Variants in OSBPL3 observed in about 807,000 individuals in gnomAD.
The protein encoded by OSBPL3 is oxysterol binding protein like 3.
Under a neutral mutation model 120.1 loss-of-function variants are expected in OSBPL3, and 65 were observed. That is an observed-to-expected ratio of 0.54 (90% CI 0.44 to 0.67). OSBPL3 has a LOEUF of 0.67. OSBPL3 is among the 30% of genes least tolerant of loss of function. The pLI is 0.00. For synonymous variants in OSBPL3, 416 were observed against 402.6 expected, an observed-to-expected ratio of 1.03 and a Z score of -0.40; for missense variants, 1,004 against 1,082.1, an observed-to-expected ratio of 0.93 and a Z score of 1.01.
chr7:24,968,787 T>C lies in OSBPL3; in HGVS notation c.-150+11099A>G, dbSNP rs764153193. ...TTTCATATAAAATATATATTATATA[T>C]GGATATTCTATACTTCACTTTTTTC... On this transcript the variant is annotated intron_variant, in intron 1 of 22. Transcript: ENST00000313367. The surrounding 1 kb of genome is among the most constrained non-coding windows in gnomAD (Gnocchi z 4.6). Among the ~76,000 whole-genome samples the C allele has an allele frequency of 2.0e-5, 3 of 152,344 alleles. No individual in the cohort carries two copies. The highest frequency in any genetic ancestry group is 6.8e-3 in the Middle Eastern group (2 of 294).
intron 1 of OSBPL3, among the ~76,000 whole-genome samples, chr7:24,921,834 G>A (rs891328063): frequency 1.3e-5 from 2 of 152,212 alleles, no homozygotes; most frequent in South Asian, 4.2e-4. Context: ...TCACATTATG[G>A]GATTTTAAAG....
chr7:24,918,040 CT>C lies in OSBPL3; in HGVS notation c.-149-25420del. 1 of 980,666 alleles carries C rather than the reference CT, an allele frequency of 1.0e-6. No individual in the cohort carries two copies. Among genetic ancestry groups the C allele is most frequent in the South Asian group, 4.7e-5 (1 of 21,178 alleles). 60.7% of individuals were successfully genotyped at this position (980,666 alleles called of 1,614,324 possible). A position where few individuals can be genotyped will look rare whatever the true frequency, so the allele number is the denominator to read the frequency against. On this transcript the variant is annotated intron_variant, in intron 1 of 22. Coordinates refer to ENST00000313367, the MANE Select transcript of OSBPL3 (RefSeq NM_015550.4). This position sits in a 1 kb window ranked among gnomAD's most constrained non-coding sequence, Gnocchi z 4.3. ...CTATGAGTCCATAAAATGACTAGCA[CT>C]CTTACCTATAAAGGTTGGCTTATCC...
At chr7:24,963,947 T>TA (rs901263589) in intron 1 of OSBPL3, among the ~76,000 whole-genome samples, 13 of 150,892 alleles carry the variant, frequency 8.6e-5, no homozygotes, top group Admixed American at 2.0e-4. Context: ...AAGGACATGC[T>TA]AAAAAAAAAT....
chr7:24,911,932 A>G (rs1808882445), intron 1 of OSBPL3, among the ~76,000 whole-genome samples: 1 of 152,222 alleles, frequency 6.6e-6, no homozygotes, highest in Non-Finnish European at 1.5e-5. Context: ...AAAAGGCAAG[A>G]AAAACCTAAA....
Position 24,866,121 on chromosome 7 carries a change from G to A in OSBPL3, c.498C>T (p.Ser166=). ...CCCCAGATGAAGAGTCTGTGATGGT[G>A]GACCCTGAGAAAAAGTGGTTAACTT... is the stretch of plus-strand genomic sequence containing the variant. The part of the protein sequence containing the change: ...PHEVNHFFSG[S]TITDSSSGVF... The change falls in exon 6 of 23, where the codon TCC becomes TCT. Residue 166 remains serine, a synonymous_variant. Coordinates refer to ENST00000313367, the MANE Select transcript of OSBPL3 (RefSeq NM_015550.4). 1.2e-6 allele frequency: 2 copies of A among 1,613,352 alleles called. No individual in the cohort carries two copies. The highest frequency in any genetic ancestry group is 1.7e-6 in the Non-Finnish European group (2 of 1,179,328).
chr7:24,814,890 T>C (rs907392517), intron 19 of OSBPL3, among the ~76,000 whole-genome samples, 169 bp downstream of exon 19: 2 of 152,218 alleles, frequency 1.3e-5, no homozygotes, highest in East Asian at 1.9e-4. Context: ...GGAGGGGCCA[T>C]TGCCCTGGTC....
intron 1 of OSBPL3, among the ~76,000 whole-genome samples, chr7:24,970,712 G>A (rs946735892): frequency 8.5e-5 from 13 of 152,176 alleles, no homozygotes; most frequent in Non-Finnish European, 1.6e-4. Context: ...CTTCTAGGTA[G>A]CACCTTGTAC....
chr7:24,927,995 T>C (rs1051824332), intron 1 of OSBPL3, among the ~76,000 whole-genome samples: 3 of 152,250 alleles, frequency 2.0e-5, no homozygotes, highest in African/African-American at 2.4e-5. Context: ...GGTGCTGTTC[T>C]CATGATAGTG....
rs1812888206 is a variant in OSBPL3, at chr7:24,939,927, A to C, written c.-150+39959T>G. Among the ~76,000 whole-genome samples, 2 of 152,224 alleles carry C rather than the reference A, an allele frequency of 1.3e-5. No homozygotes were observed. The highest frequency in any genetic ancestry group is 4.8e-5 in the African/African-American group (2 of 41,444). On this transcript the variant is annotated intron_variant, in intron 1 of 22. Transcript: ENST00000313367. The surrounding 1 kb of genome is among the most constrained non-coding windows in gnomAD (Gnocchi z 4.2). ...TAGATGATGGGTTGGCAGGTGCAGCAAATCACCATGGCACATGTATACCTA... is the reference window on the plus strand; with the variant it reads ...TAGATGATGGGTTGGCAGGTGCAGCCAATCACCATGGCACATGTATACCTA...
At chr7:24,904,548 C>T (rs986795089) in intron 1 of OSBPL3, among the ~76,000 whole-genome samples, 6 of 152,148 alleles carry the variant, frequency 3.9e-5, no homozygotes, top group Admixed American at 1.3e-4. Flanking sequence ...GCATAGGTTA[C>T]GTGCGAATAC....
rs563073894 is a variant in OSBPL3 at position 24,849,960 on chromosome 7, GAAAT to G, written c.1159-788_1159-785del. Among the ~76,000 whole-genome samples, 59 of 147,576 alleles carry G rather than the reference GAAAT, an allele frequency of 4.0e-4. No homozygotes were observed. Among genetic ancestry groups the G allele is most frequent in the Non-Finnish European group, 6.2e-4 (41 of 66,372 alleles). ...CCCTGTCTCACGAAAAAAAAAAAAA[GAAAT>G]AAAGAAAGTGTGCTGTGTGCTGGGA... On this transcript the variant is annotated intron_variant, in intron 11 of 22. Coordinates refer to ENST00000313367, the MANE Select transcript of OSBPL3 (RefSeq NM_015550.4). The surrounding 1 kb of genome is among the most constrained non-coding windows in gnomAD (Gnocchi z 5.4).
At position 24,852,602 on chromosome 7, in the gene OSBPL3, T is replaced by A. The variant is rs11768296; in HGVS notation, c.1060A>T (p.Met354Leu). The A allele has an allele frequency of 1.2e-6, 2 of 1,605,752 alleles. No homozygotes were observed. Among genetic ancestry groups the A allele is most frequent in the African/African-American group, 2.7e-5 (2 of 74,606 alleles). Reference sequence around the variant, plus strand: ...TTCAGTTTCTCTCTCTCCGCTGACATGATATTAAAAGCTGACCTTAAAGTG... The same window carrying A: ...TTCAGTTTCTCTCTCTCCGCTGACAAGATATTAAAAGCTGACCTTAAAGTG... ...YFTLRSAFNI[M>L]SAEREKLKQL... The change falls in exon 11 of 23, where the codon ATG (methionine) becomes TTG (leucine). Residue 354 changes from methionine (M) to leucine (L), a missense_variant. Around this residue, in one of 4 missense-constraint regions of OSBPL3, gnomAD observed 272 missense variants for 248.8 expected, o/e 1.09. Coordinates refer to ENST00000313367, the MANE Select transcript of OSBPL3 (RefSeq NM_015550.4). The surrounding 1 kb of genome is among the most constrained non-coding windows in gnomAD (Gnocchi z 4.1).
rs1260728767 is a variant in OSBPL3 at position 24,916,878 on chromosome 7, A to G, written c.-149-24257T>C. ...TGGTGACATATACCAACACACACAA[A>G]CCAGGTTTACTGGCAGCCACTAAGA... On this transcript the variant is annotated intron_variant, in intron 1 of 22. Transcript: ENST00000313367. This position sits in a 1 kb window ranked among gnomAD's most constrained non-coding sequence, Gnocchi z 4.9. Among the ~76,000 whole-genome samples, 1 of 151,896 alleles carries G rather than the reference A, an allele frequency of 6.6e-6. No homozygotes were observed. Among genetic ancestry groups the G allele is most frequent in the East Asian group, 1.9e-4 (1 of 5,160 alleles).
At position 24,863,470 on chromosome 7, in the gene OSBPL3, G is replaced by A. The variant is rs1164750052; in HGVS notation, c.777+26C>T. On this transcript the variant is annotated intron_variant, in intron 8 of 22. Coordinates refer to ENST00000313367, the MANE Select transcript of OSBPL3 (RefSeq NM_015550.4). This position sits in a 1 kb window ranked among gnomAD's most constrained non-coding sequence, Gnocchi z 5.8. ...AAGGAAAGCAGAAGAGGGCCAGAAT[G>A]TCAACAGAAGAGGAGTCCGGCTCAC... is the stretch of plus-strand genomic sequence containing the variant. The A allele has an allele frequency of 6.4e-7, 1 of 1,557,804 alleles. No homozygotes were observed. Among genetic ancestry groups the A allele is most frequent in the South Asian group, 1.1e-5 (1 of 90,000 alleles).
rs905221402 is a variant in OSBPL3 at position 24,891,212 on chromosome 7, A to C, written c.96+1165T>G. Among the ~76,000 whole-genome samples the C allele has an allele frequency of 6.8e-6, 1 of 146,886 alleles. No homozygotes were observed. Among genetic ancestry groups the C allele is most frequent in the Non-Finnish European group, 1.5e-5 (1 of 66,362 alleles). On this transcript the variant is annotated intron_variant, in intron 2 of 22. Transcript: ENST00000313367. This position sits in a 1 kb window ranked among gnomAD's most constrained non-coding sequence, Gnocchi z 4.1. Reference sequence around the variant, plus strand: ...CAATGACTAATTTTAGTCTTTTCTTATTTTTTTTTTTTTTAATTCCAGAAG... The same window carrying C: ...CAATGACTAATTTTAGTCTTTTCTTCTTTTTTTTTTTTTTAATTCCAGAAG...
intron 1 of OSBPL3, among the ~76,000 whole-genome samples, chr7:24,903,065 T>C (rs1807303514): frequency 6.6e-6 from 1 of 152,254 alleles, no homozygotes; most frequent in African/African-American, 2.4e-5. Flanking sequence ...GACAAGGTGC[T>C]GCTGGGCTGT....
rs767658059 is a variant in OSBPL3 at position 24,820,140 on chromosome 7, C to T, written c.1948+35G>A. 7.3e-7 allele frequency: 1 copy of T among 1,364,652 alleles called. No homozygotes were observed. Among genetic ancestry groups the T allele is most frequent in the Admixed American group, 1.7e-5 (1 of 59,194 alleles). 84.5% of individuals were successfully genotyped at this position (1,364,652 alleles called of 1,614,324 possible). A position where few individuals can be genotyped will look rare whatever the true frequency, so the allele number is the denominator to read the frequency against. The stretch of plus-strand genomic sequence containing the variant: ...TAAAATAAATAGATAACATATTACA[C>T]AATATGATGGAAGTAAAATGTATTA... On this transcript the variant is annotated intron_variant, in intron 17 of 22. Transcript: ENST00000313367. The surrounding 1 kb of genome is among the most constrained non-coding windows in gnomAD (Gnocchi z 4.6).
intron 16 of OSBPL3, among the ~76,000 whole-genome samples, chr7:24,828,789 T>A (rs12700549): frequency 0.2 from 30,626 of 151,226 alleles, 3,974 homozygotes; most frequent in Non-Finnish European, 0.29. Flanking sequence ...AAAGGAAGGC[T>A]CAGAAAGTTG....
Position 24,836,693 on chromosome 7 carries a change from ATATT to A in OSBPL3, c.1496-1961_1496-1958del, listed in dbSNP as rs144893498. Among the ~76,000 whole-genome samples, 660 of 152,256 alleles carry A rather than the reference ATATT, an allele frequency of 4.3e-3. 14 individuals are homozygous for A. The East Asian group carries it at 0.061, about 14-fold the overall frequency. Reference sequence around the variant, plus strand: ...TTGATATATATTTTATTAAACATATATATTTAACATTTACTTATTATAAAGCCAA... The same window carrying A: ...TTGATATATATTTTATTAAACATATATAACATTTACTTATTATAAAGCCAA... On this transcript the variant is annotated intron_variant, in intron 14 of 22. Coordinates refer to ENST00000313367, the MANE Select transcript of OSBPL3 (RefSeq NM_015550.4).
Sources: allele counts gnomAD v4.1 joint callset (sites outside exome capture counted in the v4.1 genomes callset), GRCh38; gene constraint gnomAD v4.1.1; regional missense constraint gnomAD v4.1.1; non-coding constraint Gnocchi (gnomAD v3.1); transcripts MANE v1.5; gene names NCBI Gene and HGNC (gene_info 2026-07-23, HGNC 2026-07-21).